HHEX: variants seen among roughly 807,000 people sequenced by gnomAD.
HHEX encodes hematopoietically-expressed homeobox protein HHEX.
A neutral mutation model predicts 27.0 loss-of-function variants in HHEX; 8 were observed. The observed-to-expected ratio is 0.30, with a 90% CI of 0.17 to 0.54. The LOEUF is 0.54. Among genes scored for constraint, HHEX ranks in the 20% least tolerant of loss-of-function variants. The pLI, the probability that HHEX is intolerant of heterozygous loss-of-function variation, is 0.95. For synonymous variants in HHEX, 164 were observed against 161.5 expected (o/e 1.02, Z -0.12); for missense variants, 326 against 357.2 (o/e 0.91, Z 0.70).
rs558044709 is a variant in HHEX, at chr10:92,690,262, A to C, written c.276A>C (p.Gly92=). ...CCGCCGCGCTGGCCGCTGCCTACGGACCCGGCGGCTTCGGGGGCCCTCTGT... is the reference window on the plus strand; with the variant it reads ...CCGCCGCGCTGGCCGCTGCCTACGGCCCCGGCGGCTTCGGGGGCCCTCTGT... ...HSAAALAAAY[G]PGGFGGPLYP... is the part of the protein sequence containing the mutation. Residue 92 remains glycine, a synonymous_variant, in exon 1 of 4, where the codon GGA becomes GGC. Transcript: ENST00000282728. 7.1e-6 allele frequency: 11 copies of C among 1,558,036 alleles called. No individual in the cohort carries two copies. Among genetic ancestry groups the C allele is most frequent in the Non-Finnish European group, 9.6e-6 (11 of 1,151,652 alleles).
At position 92,690,200 on chromosome 10, in the gene HHEX, C is replaced by T; in HGVS notation, c.214C>T (p.Pro72Ser). 6.4e-7 allele frequency: 1 copy of T among 1,574,378 alleles called. No homozygotes were observed. Residue 72 changes from proline (P) to serine (S), a missense_variant, in exon 1 of 4, where the codon CCC (proline) becomes TCC (serine). Physicochemically the swap from Pro to Ser is moderately conservative, Grantham distance 74 (BLOSUM62 -1). Transcript: ENST00000282728. ...CCCCTACCGGACCCCGGTGTACGAGCCCACGCCGATCCATCCAGCCTTCTC... is the reference window on the plus strand; with the variant it reads ...CCCCTACCGGACCCCGGTGTACGAGTCCACGCCGATCCATCCAGCCTTCTC... Reference protein sequence around the residue: ...VSPYRTPVYEPTPIHPAFSHH... With the variant: ...VSPYRTPVYESTPIHPAFSHH...
chr10:92,690,239 G>A lies in HHEX; in HGVS notation c.253G>A (p.Ala85Thr), dbSNP rs1391826173. ...TCCAGCCTTCTCGCACCACTCCGCC[G>A]CCGCGCTGGCCGCTGCCTACGGACC... ...IHPAFSHHSA[A>T]ALAAAYGPGG... Residue 85 changes from alanine (A) to threonine (T), a missense_variant, in exon 1 of 4, where the codon GCC becomes ACC. This residue lies in a region of HHEX where 215 missense variants were observed against 196.4 expected (regional missense o/e 1.09). Transcript: ENST00000282728. 4.5e-6 allele frequency: 7 copies of A among 1,564,396 alleles called. No homozygotes were observed. Among genetic ancestry groups the A allele is most frequent in the Non-Finnish European group, 4.3e-6 (5 of 1,155,340 alleles).
chr10:92,693,104 GTTTCT>G (rs1845373565), intron 3 of HHEX, among the ~76,000 whole-genome samples: 1 of 152,184 alleles, frequency 6.6e-6, no homozygotes, highest in Non-Finnish European at 1.5e-5. Context: ...GGAGAAAATT[GTTTCT>G]TTTATTTACA....
rs1272837732 is a variant in HHEX at position 92,695,466 on chromosome 10, A to T, written c.*698A>T. The T allele has an allele frequency of 2.0e-5, 3 of 152,714 alleles. No homozygotes were observed. The allele number at this position is 152,714 out of a possible 1,614,324, so 9.5% of individuals were successfully genotyped here. A position where few individuals can be genotyped will look rare whatever the true frequency, so the allele number is the denominator to read the frequency against. ...CTGACCTGACTAAAGTTAATCGCAG[A>T]TGAACTAGAAGTCACAGGTTAATTA... is the stretch of plus-strand genomic sequence containing the variant. On this transcript the variant is annotated 3_prime_UTR_variant, in exon 4 of 4. Coordinates refer to ENST00000282728, the MANE Select transcript of HHEX (RefSeq NM_002729.5).
rs1448102936 is a variant in HHEX at position 92,692,139 on chromosome 10, C to CT, written c.362-228dup. The CT allele has an allele frequency of 6.5e-6, 3 of 458,678 alleles. No homozygotes were observed. The South Asian group carries it at 1.1e-4, about 16-fold the overall frequency. The allele number at this position is 458,678 out of a possible 1,614,324, so 28.4% of individuals were successfully genotyped here. ...AGTTCTAGGTGTGACGGCTGTGTGT[C>CT]TGTCTGTGTGTGTACAAGGCTGTGT... On this transcript the variant is annotated intron_variant, in intron 1 of 3. Transcript: ENST00000282728.
chr10:92,694,449 A>T, intron 3 of HHEX, 98 bp from the exon 4 acceptor site: 1 of 875,168 alleles, frequency 1.1e-6, no homozygotes, highest in Non-Finnish European at 1.8e-6. Flanking sequence ...ACTAAAAATT[A>T]AAAGATGGAA....
At chr10:92,690,892 A>G (rs538151851) in intron 1 of HHEX, among the ~76,000 whole-genome samples, 2 of 152,280 alleles carry the variant, frequency 1.3e-5, no homozygotes, top group South Asian at 2.1e-4. Flanking sequence ...GCTGCTGATT[A>G]TTTTATCGAC....
Position 92,692,051 on chromosome 10 carries a change from G to T in HHEX, c.362-317G>T, listed in dbSNP as rs370840411. The T allele has an allele frequency of 3.7e-5, 8 of 215,620 alleles. No individual in the cohort carries two copies. In the South Asian group the frequency reaches 7.2e-4, roughly 19 times the overall value. 13.4% of individuals were successfully genotyped at this position (215,620 alleles called of 1,614,324 possible). On this transcript the variant is annotated intron_variant, in intron 1 of 3. Transcript: ENST00000282728. ...CGAGAGCCACTGGGGAAAGAGGGTC[G>T]TGGTATTGTAAGCCCAGCCGGTAGT...
rs1407988821 is a variant in HHEX at position 92,689,982 on chromosome 10, GA to G, written c.-4del. On this transcript the variant is annotated 5_prime_UTR_variant, in exon 1 of 4. Coordinates refer to ENST00000282728, the MANE Select transcript of HHEX (RefSeq NM_002729.5). The stretch of plus-strand genomic sequence containing the variant: ...CTCTGCGAGGGGCCGGAGCGCGGCG[GA>G]GCCATGCAGTACCCGCACCCCGGGC... 1 of 1,402,550 alleles carries G rather than the reference GA, an allele frequency of 7.1e-7. No individual in the cohort carries two copies. The highest frequency in any genetic ancestry group is 9.2e-7 in the Non-Finnish European group (1 of 1,087,428). The allele number at this position is 1,402,550 out of a possible 1,614,324, so 86.9% of individuals were successfully genotyped here. A position where few individuals can be genotyped will look rare whatever the true frequency, so the allele number is the denominator to read the frequency against.
At chr10:92,693,856 A>C (rs1367419909) in intron 3 of HHEX, among the ~76,000 whole-genome samples, 1 of 152,200 alleles carries the variant, frequency 6.6e-6, no homozygotes, top group Non-Finnish European at 1.5e-5. Context: ...ACTCTAGTTT[A>C]CCAGAGACCT....
chr10:92,690,006 G>A lies in HHEX; in HGVS notation c.20G>A (p.Gly7Glu). Residue 7 changes from glycine (G) to glutamate (E), a missense_variant, in exon 1 of 4, where the codon GGG (glycine) becomes GAG (glutamate). Gly to Glu is a moderately conservative substitution (Grantham distance 98). Transcript: ENST00000282728. ...GGAGCCATGCAGTACCCGCACCCCGGGCCGGCGGCGGGCGCCGTGGGGGTG... is the reference window on the plus strand; with the variant it reads ...GGAGCCATGCAGTACCCGCACCCCGAGCCGGCGGCGGGCGCCGTGGGGGTG... MQYPHP[G>E]PAAGAVGVPL... The A allele has an allele frequency of 1.4e-6, 2 of 1,472,338 alleles. No individual in the cohort carries two copies. The highest frequency in any genetic ancestry group is 1.8e-6 in the Non-Finnish European group (2 of 1,118,236). The allele number at this position is 1,472,338 out of a possible 1,614,324, so 91.2% of individuals were successfully genotyped here. A position where few individuals can be genotyped will look rare whatever the true frequency, so the allele number is the denominator to read the frequency against.
chr10:92,692,140 TGTCTGTGTGTGTAC>T, intron 1 of HHEX: 1 of 463,388 alleles, frequency 2.2e-6, no homozygotes, highest in Non-Finnish European at 3.9e-6. Flanking sequence ...GCTGTGTGTC[TGTCTGTGTGTGTAC>T]AAGGCTGTGT....
Position 92,693,862 on chromosome 10 carries a change from G to T in HHEX, c.592-685G>T, listed in dbSNP as rs1297470146. ...AAAGGCTTGACTCTAGTTTACCAGA[G>T]ACCTTAAAAATAGTGGTTTCTATGT... On this transcript the variant is annotated intron_variant, in intron 3 of 3. Coordinates refer to ENST00000282728, the MANE Select transcript of HHEX (RefSeq NM_002729.5). Among the ~76,000 whole-genome samples, 9 of 152,152 alleles carry T rather than the reference G, an allele frequency of 5.9e-5. No homozygotes were observed. The East Asian group carries it at 1.5e-3, about 26-fold the overall frequency.
Position 92,694,546 on chromosome 10 carries a change from G to A in HHEX, c.592-1G>A, listed in dbSNP as rs754419200. 6.2e-7 allele frequency: 1 copy of A among 1,610,708 alleles called. No homozygotes were observed. Among genetic ancestry groups the A allele is most frequent in the Admixed American group, 1.7e-5 (1 of 59,954 alleles). ...TCTCCATTTTCATTTCCTTTATTCA[G>A]GAGAACCCTCAAAGCAATAAAAAAG... On this transcript the variant is annotated splice_acceptor_variant, in intron 3 of 3. Coordinates refer to ENST00000282728, the MANE Select transcript of HHEX (RefSeq NM_002729.5). LOFTEE classifies it high-confidence loss of function.
intron 3 of HHEX, 51 bp downstream of exon 3, chr10:92,692,803 C>T (rs1224856030): frequency 1.4e-6 from 2 of 1,462,878 alleles, no homozygotes; most frequent in East Asian, 2.3e-5. Context: ...ATCACGTTAT[C>T]TCAGTGCAAG....
intron 1 of HHEX, chr10:92,692,154 C>T (rs935388293): frequency 3.7e-6 from 2 of 546,200 alleles, no homozygotes; most frequent in Non-Finnish European, 6.6e-6. Flanking sequence ...TGTGTGTGTA[C>T]AAGGCTGTGT....
rs1845390811 is a variant in HHEX, at chr10:92,695,040, T to G, written c.*272T>G. 6 of 308,268 alleles carry G rather than the reference T, an allele frequency of 1.9e-5. No individual in the cohort carries two copies. In the East Asian group the frequency reaches 3.7e-4, roughly 19 times the overall value. The allele number at this position is 308,268 out of a possible 1,614,324, so 19.1% of individuals were successfully genotyped here. A position where few individuals can be genotyped will look rare whatever the true frequency, so the allele number is the denominator to read the frequency against. Reference sequence around the variant, plus strand: ...ATTCTTCCCCCTTTAAAAAAACAGTTAGTGGTTTTCACTATTTATAAAAAA... The same window carrying G: ...ATTCTTCCCCCTTTAAAAAAACAGTGAGTGGTTTTCACTATTTATAAAAAA... On this transcript the variant is annotated 3_prime_UTR_variant, in exon 4 of 4. Transcript: ENST00000282728.
At position 92,690,256 on chromosome 10, in the gene HHEX, C is replaced by T. The variant is rs1016255026; in HGVS notation, c.270C>T (p.Ala90=). The change falls in exon 1 of 4, where the codon GCC becomes GCT. Residue 90 remains alanine (A), a synonymous_variant. Coordinates refer to ENST00000282728, the MANE Select transcript of HHEX (RefSeq NM_002729.5). ...SHHSAAALAA[A]YGPGGFGGPL... ...ACTCCGCCGCCGCGCTGGCCGCTGC[C>T]TACGGACCCGGCGGCTTCGGGGGCC... 1.3e-6 allele frequency: 2 copies of T among 1,561,148 alleles called. No individual in the cohort carries two copies. Among genetic ancestry groups the T allele is most frequent in the Non-Finnish European group, 1.7e-6 (2 of 1,153,312 alleles).
intron 1 of HHEX, chr10:92,691,863 C>T (rs1589622488): frequency 6.5e-6 from 1 of 152,734 alleles, no homozygotes; most frequent in South Asian, 2.0e-4. Context: ...GGATTGGAGG[C>T]TCCTCGCGCA....
Sources: allele counts gnomAD v4.1 joint callset (sites outside exome capture counted in the v4.1 genomes callset), GRCh38; gene constraint gnomAD v4.1.1; regional missense constraint gnomAD v4.1.1; transcripts MANE v1.5; gene names NCBI Gene and HGNC (gene_info 2026-07-23, HGNC 2026-07-21).